The following BRAF variants were observed in gnomAD, a reference collection of about 807,000 sequenced individuals.
The protein encoded by BRAF is serine/threonine-protein kinase B-raf.
Under a neutral mutation model 104.6 loss-of-function variants are expected in BRAF, and 16 were observed. The ratio of observed to expected loss-of-function variants is 0.15; its 90% confidence interval spans 0.10 to 0.23. The LOEUF is 0.23. BRAF is among the 10% of genes least tolerant of loss of function. The pLI is 1.00. For missense variants in BRAF, 541 were observed against 937.3 expected (o/e 0.58, Z 5.52); for synonymous variants, 310 against 341.6 (o/e 0.91, Z 1.02).
chr7:140,727,890 GGATTACAC>G (rs1442149475), intron 19 of BRAF, among the ~76,000 whole-genome samples: 1 of 152,098 alleles, frequency 6.6e-6, no homozygotes, highest in African/African-American at 2.4e-5. Context: ...CAAAGTGCTG[GGATTACAC>G]GCATGAGCCA....
rs952357613 is a variant in BRAF at position 140,924,470 on chromosome 7, G to A, written c.138+96C>T. The A allele has an allele frequency of 2.7e-6, 4 of 1,504,994 alleles. No homozygotes were observed. The highest frequency in any genetic ancestry group is 2.0e-5 in the Admixed American group (1 of 50,626). 93.2% of individuals were successfully genotyped at this position (1,504,994 alleles called of 1,614,324 possible). A position where few individuals can be genotyped will look rare whatever the true frequency, so the allele number is the denominator to read the frequency against. ...GAGCTGGCCCGAGAAGGTGGCTGAGGGCATCAAGCCCCCACCGCCGCCTCT... is the reference window on the plus strand; with the variant it reads ...GAGCTGGCCCGAGAAGGTGGCTGAGAGCATCAAGCCCCCACCGCCGCCTCT... On this transcript the variant is annotated intron_variant, in intron 1 of 19. Transcript: ENST00000644969. The surrounding 1 kb of genome is among the most constrained non-coding windows in gnomAD (Gnocchi z 4.2).
intron 1 of BRAF, among the ~76,000 whole-genome samples, chr7:140,877,534 GA>G (rs1300496617): frequency 1.3e-5 from 2 of 152,006 alleles, no homozygotes; most frequent in African/African-American, 2.4e-5. Flanking sequence ...AGAAATCCAT[GA>G]GATTGAAAAC....
intron 14 of BRAF, among the ~76,000 whole-genome samples, chr7:140,766,385 CAT>C (rs1317923045): frequency 1.3e-5 from 2 of 152,002 alleles, no homozygotes; most frequent in African/African-American, 2.4e-5. Flanking sequence ...CACATGTATA[CAT>C]ATGTTACTAA....
chr7:140,915,521 G>T (rs575313060), intron 1 of BRAF, among the ~76,000 whole-genome samples: 1 of 148,750 alleles, frequency 6.7e-6, no homozygotes, highest in Admixed American at 6.8e-5. Context: ...TGCAACCTCC[G>T]CCTCCCAGGT....
intron 1 of BRAF, among the ~76,000 whole-genome samples, chr7:140,915,811 A>T (rs904340006): frequency 6.6e-6 from 1 of 152,068 alleles, no homozygotes; most frequent in Non-Finnish European, 1.5e-5. Flanking sequence ...CAATAGTTAA[A>T]AATAGTCTGC....
chr7:140,809,020 A>T (rs372517286), intron 3 of BRAF, 25 bp from the exon 4 acceptor site: 11 of 1,566,078 alleles, frequency 7.0e-6, no homozygotes, highest in African/African-American at 1.4e-5. Context: ...ATATATTGAT[A>T]AGAGGTAAAG....
rs552471935 is a variant in BRAF, at chr7:140,777,034, T to C, written c.1692A>G (p.Gln564=). Residue 564 remains glutamine (Q), a synonymous_variant, in exon 14 of 20, where the codon CAA becomes CAG. Coordinates refer to ENST00000644969, the MANE Select transcript of BRAF (RefSeq NM_001374258.1). Reference sequence around the variant, plus strand: ...CACACCACTGGGTAACAATAGCCAGTTGTGGCTTTGTGGAATAGCCCATGA... The same window carrying C: ...CACACCACTGGGTAACAATAGCCAGCTGTGGCTTTGTGGAATAGCCCATGA... ...LLFMGYSTKP[Q]LAIVTQWCEG... 5 of 1,614,016 alleles carry C rather than the reference T, an allele frequency of 3.1e-6. No individual in the cohort carries two copies. The highest frequency in any genetic ancestry group is 2.7e-5 in the African/African-American group (2 of 75,034).
chr7:140,878,877 AT>A (rs942245057), intron 1 of BRAF, among the ~76,000 whole-genome samples: 15 of 150,452 alleles, frequency 1.0e-4, no homozygotes, highest in African/African-American at 3.2e-4. Context: ...TTATGTATCC[AT>A]TTTTTTTTCC....
chr7:140,721,573 A>G lies in BRAF; in HGVS notation c.*4921T>C, dbSNP rs1046584993. On this transcript the variant is annotated 3_prime_UTR_variant, in exon 20 of 20. Coordinates refer to ENST00000644969, the MANE Select transcript of BRAF (RefSeq NM_001374258.1). Reference sequence around the variant, plus strand: ...CCAGAGCTAGCAACATGGACCACAGATATACTGGTGACTCCGCTCTCCTCT... The same window carrying G: ...CCAGAGCTAGCAACATGGACCACAGGTATACTGGTGACTCCGCTCTCCTCT... 6.6e-6 allele frequency: 10 copies of G among 1,523,030 alleles called. No individual in the cohort carries two copies. In the African/African-American group the frequency reaches 8.3e-5, roughly 13 times the overall value. 94.3% of individuals were successfully genotyped at this position (1,523,030 alleles called of 1,614,324 possible). A position where few individuals can be genotyped will look rare whatever the true frequency, so the allele number is the denominator to read the frequency against.
intron 14 of BRAF, among the ~76,000 whole-genome samples, chr7:140,775,723 T>C (rs1446183840): frequency 6.6e-6 from 1 of 152,188 alleles, no homozygotes; most frequent in African/African-American, 2.4e-5. Flanking sequence ...GTTTCAAGTC[T>C]AGGGGTAAGT....
intron 14 of BRAF, among the ~76,000 whole-genome samples, chr7:140,767,195 G>T (rs1007912992): frequency 1.3e-5 from 2 of 151,882 alleles, no homozygotes; most frequent in African/African-American, 2.4e-5. Flanking sequence ...GGTAGAGATG[G>T]GTTCCACTAT....
In BRAF at chr7:140,724,337, G is replaced by A; in HGVS notation, c.*2157C>T. On this transcript the variant is annotated 3_prime_UTR_variant, in exon 20 of 20. Transcript: ENST00000644969. The stretch of plus-strand genomic sequence containing the variant: ...GAAACTTGAAGCCAATCTTGGTAAA[G>A]GGAACACAGCCACATTTAAAAGCAT... 2 of 1,054,818 alleles carry A rather than the reference G, an allele frequency of 1.9e-6. No individual in the cohort carries two copies. The highest frequency in any genetic ancestry group is 2.3e-6 in the Non-Finnish European group (2 of 872,726). 65.3% of individuals were successfully genotyped at this position (1,054,818 alleles called of 1,614,324 possible).
At chr7:140,900,779 T>C (rs960030233) in intron 1 of BRAF, among the ~76,000 whole-genome samples, 8 of 152,108 alleles carry the variant, frequency 5.3e-5, no homozygotes, top group African/African-American at 1.9e-4. Context: ...GCCAGCTAAT[T>C]TTGGTATTTT....
chr7:140,751,686 C>G (rs1440220765), intron 16 of BRAF, among the ~76,000 whole-genome samples: 1 of 152,148 alleles, frequency 6.6e-6, no homozygotes, highest in African/African-American at 2.4e-5. Context: ...CCAATGTCCC[C>G]TCTTCCACCT....
chr7:140,761,914 A>G (rs1454874663), intron 14 of BRAF, among the ~76,000 whole-genome samples: 3 of 152,156 alleles, frequency 2.0e-5, no homozygotes, highest in Non-Finnish European at 4.4e-5. Context: ...CTACAAAGAG[A>G]CTTAGACTCC....
chr7:140,763,716 C>T (rs375059048), intron 14 of BRAF, among the ~76,000 whole-genome samples: 2,573 of 152,160 alleles, frequency 0.017, 35 homozygotes, highest in Non-Finnish European at 0.027. Context: ...ATAAATTCCT[C>T]GACACATACA....
intron 8 of BRAF, among the ~76,000 whole-genome samples, chr7:140,791,525 C>T (rs1407337302): frequency 6.6e-6 from 1 of 152,126 alleles, no homozygotes; most frequent in African/African-American, 2.4e-5. Context: ...ACATTTTCTC[C>T]CCTTTTCAAT....
chr7:140,774,864 G>A (rs919097755), intron 14 of BRAF, among the ~76,000 whole-genome samples: 1 of 152,140 alleles, frequency 6.6e-6, no homozygotes, highest in African/African-American at 2.4e-5. Context: ...TCTTTCTTCT[G>A]AAAGGTAAAT....
At chr7:140,850,073 C>G in intron 2 of BRAF, 38 bp downstream of exon 2, 1 of 1,422,272 alleles carries the variant, frequency 7.0e-7, no homozygotes, top group Non-Finnish European at 9.9e-7. Context: ...CATTTTTTTT[C>G]TTTTCAAAAT....
Sources: allele counts gnomAD v4.1 joint callset (sites outside exome capture counted in the v4.1 genomes callset), GRCh38; gene constraint gnomAD v4.1.1; non-coding constraint Gnocchi (gnomAD v3.1); transcripts MANE v1.5; gene names NCBI Gene and HGNC (gene_info 2026-07-23, HGNC 2026-07-21).